NXPH1: variants seen among roughly 807,000 people sequenced by gnomAD.
NXPH1 encodes the protein neurexophilin 1.
NXPH1 carries 5 observed loss-of-function variants against 23.7 expected under a neutral mutation model. The ratio of observed to expected loss-of-function variants is 0.21; its 90% CI spans 0.11 to 0.44. NXPH1 has a LOEUF of 0.44. Ranked by LOEUF, NXPH1 falls within the 20% of genes least tolerant of loss-of-function variation. The probability of loss-of-function intolerance (pLI) is 0.99; values close to 1 mark genes in which losing one functional copy is unlikely to be tolerated. For missense variants in NXPH1, 324 were observed against 321.6 expected, an observed-to-expected ratio of 1.01 and a Z score of -0.06; for synonymous variants, 144 against 122.2, an observed-to-expected ratio of 1.18 and a Z score of -1.18.
At chr7:8,461,399 G>C (rs954742208) in intron 2 of NXPH1, among the ~76,000 whole-genome samples, 1 of 152,164 alleles carries the variant, frequency 6.6e-6, no homozygotes, top group Non-Finnish European at 1.5e-5. Context: ...AAACATAAAA[G>C]AATTAAGGAG....
intron 2 of NXPH1, among the ~76,000 whole-genome samples, chr7:8,678,467 A>G (rs753564763): frequency 6.6e-6 from 1 of 151,930 alleles, no homozygotes. Flanking sequence ...TTGCATCTCC[A>G]GTGTTTTTCT....
intron 2 of NXPH1, among the ~76,000 whole-genome samples, chr7:8,557,618 G>T (rs1818380899): frequency 6.6e-6 from 1 of 151,612 alleles, no homozygotes; most frequent in Non-Finnish European, 1.5e-5. Context: ...AGCAGTAATG[G>T]GGTTTTACCC....
At chr7:8,486,104 T>C (rs1442035439) in intron 2 of NXPH1, among the ~76,000 whole-genome samples, 1 of 152,176 alleles carries the variant, frequency 6.6e-6, no homozygotes, top group Non-Finnish European at 1.5e-5. Context: ...CCCATCTGAA[T>C]AAGTCAAAAA....
chr7:8,514,718 C>T (rs1817662282), intron 2 of NXPH1, among the ~76,000 whole-genome samples: 1 of 152,116 alleles, frequency 6.6e-6, no homozygotes, highest in African/African-American at 2.4e-5. Context: ...TCCAAACAGA[C>T]ACTGTGCAAG....
chr7:8,573,944 T>C (rs1165447582), intron 2 of NXPH1, among the ~76,000 whole-genome samples: 1 of 152,122 alleles, frequency 6.6e-6, no homozygotes, highest in African/African-American at 2.4e-5. Flanking sequence ...GCTAGGTCAA[T>C]TCTATGTCAT....
intron 2 of NXPH1, among the ~76,000 whole-genome samples, chr7:8,643,018 C>T (rs565762802): frequency 6.6e-6 from 1 of 152,148 alleles, no homozygotes; most frequent in South Asian, 2.1e-4. Flanking sequence ...GTGCACGCCA[C>T]CATGCCTGGC....
chr7:8,539,311 G>T (rs150027715), intron 2 of NXPH1, among the ~76,000 whole-genome samples: 1 of 151,756 alleles, frequency 6.6e-6, no homozygotes, highest in Non-Finnish European at 1.5e-5. Flanking sequence ...AGCTAAAGAA[G>T]CTGCAAGTGG....
At position 8,558,554 on chromosome 7, in the gene NXPH1, G is replaced by T. The variant is rs534030154; in HGVS notation, c.54+122787G>T. Reference sequence around the variant, plus strand: ...TGCTTCCAGTGTGGTCTCTTTCTTTGTTCTTAGAGCCTTTTCTTACAAGTA... The same window carrying T: ...TGCTTCCAGTGTGGTCTCTTTCTTTTTTCTTAGAGCCTTTTCTTACAAGTA... On this transcript the variant is annotated intron_variant, in intron 2 of 2. Transcript: ENST00000405863. 2.6e-5 allele frequency among the ~76,000 whole-genome samples: 4 copies of T among 151,672 alleles called. No homozygotes were observed. The South Asian group carries it at 8.3e-4, about 31-fold the overall frequency.
intron 2 of NXPH1, among the ~76,000 whole-genome samples, chr7:8,717,493 A>C (rs17154569): frequency 2.6e-5 from 4 of 152,188 alleles, no homozygotes; most frequent in Middle Eastern, 3.4e-3. Flanking sequence ...AGATGTATCT[A>C]AGATTCCTGA....
At chr7:8,507,448 C>A (rs141067376) in intron 2 of NXPH1, among the ~76,000 whole-genome samples, 1 of 149,412 alleles carries the variant, frequency 6.7e-6, no homozygotes, top group Non-Finnish European at 1.5e-5. Flanking sequence ...ATGAGCTATA[C>A]TATTATTATC....
intron 2 of NXPH1, among the ~76,000 whole-genome samples, chr7:8,453,378 A>G (rs995863849): frequency 3.3e-5 from 5 of 152,134 alleles, no homozygotes; most frequent in East Asian, 1.9e-4. Flanking sequence ...ACAATCACCA[A>G]AAATGTTATA....
At position 8,675,911 on chromosome 7, in the gene NXPH1, C is replaced by T. The variant is rs184122708; in HGVS notation, c.55-75097C>T. 2.4e-3 allele frequency among the ~76,000 whole-genome samples: 365 copies of T among 152,262 alleles called. 1 individual carries two copies. The highest frequency in any genetic ancestry group is 8.4e-3 in the African/African-American group (348 of 41,566). On this transcript the variant is annotated intron_variant, in intron 2 of 2. Coordinates refer to ENST00000405863, the MANE Select transcript of NXPH1 (RefSeq NM_152745.3). The stretch of plus-strand genomic sequence containing the variant: ...CGGACACCCATTTCCATCTAGCCTT[C>T]TCTTTTGCCACTTGTTGGTCATTCT...
intron 2 of NXPH1, among the ~76,000 whole-genome samples, chr7:8,447,989 A>G (rs1356503814): frequency 6.6e-6 from 1 of 152,190 alleles, no homozygotes; most frequent in Admixed American, 6.5e-5. Context: ...ACCTGGCCAT[A>G]ACAGAGAGCA....
At chr7:8,509,615 C>G (rs1817582329) in intron 2 of NXPH1, among the ~76,000 whole-genome samples, 1 of 152,004 alleles carries the variant, frequency 6.6e-6, no homozygotes, top group South Asian at 2.1e-4. Context: ...AGGGAGCTTG[C>G]AAGGATCTAC....
chr7:8,504,627 C>G (rs1014342178), intron 2 of NXPH1, among the ~76,000 whole-genome samples: 1 of 152,062 alleles, frequency 6.6e-6, no homozygotes, highest in East Asian at 1.9e-4. Flanking sequence ...ATCACATGCT[C>G]TGCATTCCCT....
At chr7:8,552,399 ATCAG>A (rs1476140322) in intron 2 of NXPH1, among the ~76,000 whole-genome samples, 2 of 151,402 alleles carry the variant, frequency 1.3e-5, no homozygotes, top group Non-Finnish European at 3.0e-5. Flanking sequence ...AAAGAAAATA[ATCAG>A]TCAGCTTCTT....
intron 2 of NXPH1, among the ~76,000 whole-genome samples, chr7:8,448,345 C>A (rs6463809): frequency 0.074 from 11,297 of 152,240 alleles, 1,293 homozygotes; most frequent in African/African-American, 0.24. Flanking sequence ...GGACCAGGTT[C>A]CCATGTGCTT....
At chr7:8,628,281 A>G (rs114285558) in intron 2 of NXPH1, among the ~76,000 whole-genome samples, 130 of 152,230 alleles carry the variant, frequency 8.5e-4, no homozygotes, top group African/African-American at 3.0e-3. Context: ...GATGTTATCT[A>G]TCTTCGAAGT....
chr7:8,537,944 C>T lies in NXPH1; in HGVS notation c.54+102177C>T, dbSNP rs148211339. 1.7e-3 allele frequency among the ~76,000 whole-genome samples: 251 copies of T among 151,836 alleles called. 1 individual carries two copies. Among genetic ancestry groups the T allele is most frequent in the African/African-American group, 5.5e-3 (227 of 41,454 alleles). On this transcript the variant is annotated intron_variant, in intron 2 of 2. Coordinates refer to ENST00000405863, the MANE Select transcript of NXPH1 (RefSeq NM_152745.3). Reference sequence around the variant, plus strand: ...CAGTTCAACTCACTCGTGTGAAAGGCGAGGGGAATGGAGCCCTATGATATG... The same window carrying T: ...CAGTTCAACTCACTCGTGTGAAAGGTGAGGGGAATGGAGCCCTATGATATG...
Sources: gnomAD v4.1 joint callset for allele counts (sites outside exome capture counted in the v4.1 genomes callset) on GRCh38, gnomAD v4.1.1 for gene constraint, MANE v1.5 for transcripts, NCBI Gene and HGNC (gene_info 2026-07-23, HGNC 2026-07-21) for gene names.